KDM4C: variants seen among roughly 807,000 people sequenced by gnomAD.
The protein encoded by KDM4C is lysine-specific demethylase 4C.
In KDM4C, 81 loss-of-function variants were observed where a neutral mutation model predicts 129.3. The observed-to-expected ratio is 0.63, with a 90% CI of 0.52 to 0.75. The LOEUF (loss-of-function observed/expected upper bound fraction) is 0.75, where lower values mean the gene tolerates loss of function less well. KDM4C is among the 30% of genes least tolerant of loss of function. KDM4C has a pLI of 0.00. For synonymous variants in KDM4C, 573 were observed against 456.1 expected, an observed-to-expected ratio of 1.26 and a Z score of -3.26; for missense variants, 1,457 against 1,304.0, an observed-to-expected ratio of 1.12 and a Z score of -1.81.
chr9:6,722,896 T>C (rs1235309869), intron 1 of KDM4C, among the ~76,000 whole-genome samples: 1 of 152,050 alleles, frequency 6.6e-6, no homozygotes, highest in Non-Finnish European at 1.5e-5. Flanking sequence ...GGTGGGAGGA[T>C]TGCGTGAGCC....
chr9:6,844,134 C>A (rs976809113), intron 4 of KDM4C, among the ~76,000 whole-genome samples: 2 of 152,110 alleles, frequency 1.3e-5, no homozygotes, highest in South Asian at 2.1e-4. Context: ...ATCATTTTTA[C>A]GTACTTTTAA....
chr9:6,772,212 C>T (rs184082822), intron 1 of KDM4C, among the ~76,000 whole-genome samples: 15 of 152,102 alleles, frequency 9.9e-5, no homozygotes, highest in South Asian at 4.1e-4. Context: ...TGCAGTGGCG[C>T]GATCTCGGCT....
chr9:7,143,556 C>G (rs141600109), intron 19 of KDM4C, among the ~76,000 whole-genome samples: 82 of 152,224 alleles, frequency 5.4e-4, no homozygotes, highest in African/African-American at 1.8e-3. Context: ...GTTTTTAAGC[C>G]TTGGTGGATT....
intron 15 of KDM4C, among the ~76,000 whole-genome samples, chr9:7,044,098 C>G (rs1829019953): frequency 6.6e-6 from 1 of 152,002 alleles, no homozygotes; most frequent in African/African-American, 2.4e-5. Flanking sequence ...CAAATAGTTG[C>G]AAGAGTAATA....
At chr9:6,925,094 A>C (rs1822232858) in intron 8 of KDM4C, 1 of 985,318 alleles carries the variant, frequency 1.0e-6, no homozygotes. Flanking sequence ...TTAGCTTTCT[A>C]GTACAGACCA....
chr9:6,970,152 A>T (rs978938390), intron 8 of KDM4C, among the ~76,000 whole-genome samples: 24 of 152,362 alleles, frequency 1.6e-4, no homozygotes, highest in Admixed American at 9.8e-4. Flanking sequence ...AAATCTTAGG[A>T]ACAAATCATG....
chr9:6,861,778 C>G (rs28637194), intron 5 of KDM4C, among the ~76,000 whole-genome samples: 1 of 147,972 alleles, frequency 6.8e-6, no homozygotes, highest in Admixed American at 6.7e-5. Context: ...TTCTTTCTTT[C>G]TTTTTTTTTT....
chr9:7,150,354 G>A (rs1355717621), intron 19 of KDM4C, among the ~76,000 whole-genome samples: 1 of 152,210 alleles, frequency 6.6e-6, no homozygotes, highest in Non-Finnish European at 1.5e-5. Flanking sequence ...AATCTTAAGA[G>A]GAAAGTCCTG....
At chr9:6,867,013 ATATATTTTTT>A (rs756657350) in intron 5 of KDM4C, among the ~76,000 whole-genome samples, 36 of 78,806 alleles carry the variant, frequency 4.6e-4, no homozygotes, top group South Asian at 3.6e-3. Context: ...ATATATATAT[ATATATTTTTT>A]TTTTTTTTTG....
chr9:7,032,709 G>T (rs1826979471), intron 15 of KDM4C, among the ~76,000 whole-genome samples: 1 of 152,204 alleles, frequency 6.6e-6, no homozygotes, highest in African/African-American at 2.4e-5. Flanking sequence ...CAGGATGCCA[G>T]ACCATCTCAT....
intron 4 of KDM4C, among the ~76,000 whole-genome samples, chr9:6,823,197 C>T (rs1055306792): frequency 2.0e-5 from 3 of 152,186 alleles, no homozygotes; most frequent in Non-Finnish European, 4.4e-5. Flanking sequence ...TGACACATAG[C>T]TCCTCCTCTC....
intron 1 of KDM4C, among the ~76,000 whole-genome samples, chr9:6,783,609 C>A (rs1024869134): frequency 6.6e-6 from 1 of 151,964 alleles, no homozygotes; most frequent in Non-Finnish European, 1.5e-5. Flanking sequence ...TGGAGGGGTT[C>A]GCTGAGGAAT....
intron 4 of KDM4C, among the ~76,000 whole-genome samples, chr9:6,833,957 A>T (rs1267288179): frequency 6.6e-6 from 1 of 151,522 alleles, no homozygotes; most frequent in Non-Finnish European, 1.5e-5. Flanking sequence ...TTTGAGAAAT[A>T]TACCACTATC....
chr9:6,760,680 C>T (rs1292443393), intron 1 of KDM4C, among the ~76,000 whole-genome samples: 1 of 152,006 alleles, frequency 6.6e-6, no homozygotes, highest in African/African-American at 2.4e-5. Context: ...ACACCATTCT[C>T]CTGCCTCAGC....
intron 4 of KDM4C, among the ~76,000 whole-genome samples, chr9:6,820,121 A>G (rs1429345512): frequency 6.6e-6 from 1 of 152,154 alleles, no homozygotes; most frequent in Non-Finnish European, 1.5e-5. Flanking sequence ...CAAGTAGTTC[A>G]TAGACTTTGT....
chr9:7,035,751 C>G (rs1827536311), intron 15 of KDM4C, among the ~76,000 whole-genome samples: 1 of 152,056 alleles, frequency 6.6e-6, no homozygotes, highest in Non-Finnish European at 1.5e-5. Flanking sequence ...CTGTCAATTC[C>G]CTAACGAGTG....
chr9:6,736,955 G>A (rs1443701750), intron 1 of KDM4C, among the ~76,000 whole-genome samples: 3 of 150,226 alleles, frequency 2.0e-5, no homozygotes, highest in East Asian at 3.9e-4. Flanking sequence ...GGAGGCGGAG[G>A]CACAAGTATC....
rs1024316934 is a variant in KDM4C at position 7,175,555 on chromosome 9, T to G, written c.*826T>G. 2.0e-5 allele frequency: 3 copies of G among 152,670 alleles called. No individual in the cohort carries two copies. Among genetic ancestry groups the G allele is most frequent in the Non-Finnish European group, 4.4e-5 (3 of 68,042 alleles). 9.5% of individuals were successfully genotyped at this position (152,670 alleles called of 1,614,324 possible). On this transcript the variant is annotated 3_prime_UTR_variant, in exon 22 of 22. Coordinates refer to ENST00000381309, the MANE Select transcript of KDM4C (RefSeq NM_015061.6). Reference sequence around the variant, plus strand: ...TAGAGTTTAAATAAATATGCTTTGATGCATAGTTTTGAACTAATGTAACAT... The same window carrying G: ...TAGAGTTTAAATAAATATGCTTTGAGGCATAGTTTTGAACTAATGTAACAT...
intron 17 of KDM4C, among the ~76,000 whole-genome samples, chr9:7,087,078 C>G (rs967586283): frequency 1.5e-5 from 2 of 132,126 alleles, no homozygotes; most frequent in Non-Finnish European, 3.1e-5. Context: ...TTTATTGCAA[C>G]TTACGTGGCT....
Sources: allele counts gnomAD v4.1 joint callset (sites outside exome capture counted in the v4.1 genomes callset), GRCh38; gene constraint gnomAD v4.1.1; transcripts MANE v1.5; gene names NCBI Gene and HGNC (gene_info 2026-07-23, HGNC 2026-07-21).